ELP4: variants seen among roughly 807,000 people sequenced by gnomAD.
ELP4 encodes the protein elongator acetyltransferase complex subunit 4.
ELP4 carries 51 observed loss-of-function variants against 48.9 expected under a neutral mutation model. That is an observed-to-expected ratio of 1.04 (90% CI 0.83 to 1.32). The LOEUF is 1.32. Ranked by LOEUF, ELP4 falls within the 40% of genes most tolerant of loss-of-function variation. The pLI is 0.00. For synonymous variants in ELP4, 210 were observed against 189.2 expected, an observed-to-expected ratio of 1.11 and a Z score of -0.90; for missense variants, 519 against 514.6, an observed-to-expected ratio of 1.01 and a Z score of -0.08.
At chr11:31,763,504 G>A (rs1565145476) in intron 9 of ELP4, 1 of 1,610,978 alleles carries the variant, frequency 6.2e-7, no homozygotes, top group East Asian at 2.2e-5. Flanking sequence ...ATGGGGAGAA[G>A]GTTCTTTACA....
chr11:31,560,268 A>G (rs551241283), intron 3 of ELP4, among the ~76,000 whole-genome samples: 23 of 152,268 alleles, frequency 1.5e-4, no homozygotes, highest in African/African-American at 5.5e-4. Flanking sequence ...TAAAAATTCT[A>G]TGATCTCTGT....
chr11:31,541,105 C>G (rs1434686833), intron 3 of ELP4, among the ~76,000 whole-genome samples: 3 of 152,096 alleles, frequency 2.0e-5, no homozygotes, highest in African/African-American at 7.2e-5. Context: ...GCAAATTAGT[C>G]ATTTATAAGG....
intron 9 of ELP4, among the ~76,000 whole-genome samples, chr11:31,778,619 G>A (rs1021075027): frequency 6.6e-6 from 1 of 152,142 alleles, no homozygotes; most frequent in South Asian, 2.1e-4. Flanking sequence ...TTATTCTGAC[G>A]AGAGTCTTAT....
chr11:31,615,871 A>G (rs1944468906), intron 5 of ELP4, among the ~76,000 whole-genome samples: 1 of 152,042 alleles, frequency 6.6e-6, no homozygotes, highest in Non-Finnish European at 1.5e-5. Context: ...ATCACCTTCC[A>G]TCCTGCAACT....
intron 9 of ELP4, among the ~76,000 whole-genome samples, chr11:31,739,904 A>C (rs947501005): frequency 6.6e-6 from 1 of 152,248 alleles, no homozygotes; most frequent in Admixed American, 6.5e-5. Context: ...TTACTCATAG[A>C]GTCCCCATTT....
chr11:31,714,846 CT>C, intron 9 of ELP4: 1 of 398,400 alleles, frequency 2.5e-6, no homozygotes, highest in Admixed American at 4.4e-5. Flanking sequence ...TTTAAGGATC[CT>C]TGTAATTACA....
chr11:31,594,731 A>G (rs1369254385), intron 3 of ELP4, 39 bp from the exon 4 acceptor site: 2 of 1,415,082 alleles, frequency 1.4e-6, no homozygotes, highest in East Asian at 5.4e-5. Context: ...GTCATATTTT[A>G]CCACAGAATC....
At chr11:31,558,822 ATTG>A (rs1474723248) in intron 3 of ELP4, among the ~76,000 whole-genome samples, 2 of 152,164 alleles carry the variant, frequency 1.3e-5, no homozygotes, top group Admixed American at 1.3e-4. Context: ...TTAGATGATT[ATTG>A]TTATGTTCAA....
At chr11:31,579,772 C>T (rs1957355852) in intron 3 of ELP4, among the ~76,000 whole-genome samples, 1 of 120,162 alleles carries the variant, frequency 8.3e-6, no homozygotes, top group Admixed American at 1.0e-4. Context: ...ACATCACACA[C>T]TGGGGCCTGT....
chr11:31,628,883 C>T (rs567459982), intron 6 of ELP4, among the ~76,000 whole-genome samples: 20 of 152,112 alleles, frequency 1.3e-4, no homozygotes, highest in South Asian at 1.2e-3. Context: ...CAGAGAAATA[C>T]GCCTATAAGG....
At position 31,754,686 on chromosome 11, in the gene ELP4, C is replaced by A. The variant is rs1003519713; in HGVS notation, c.1144-28707C>A. On this transcript the variant is annotated intron_variant, in intron 9 of 9. Transcript: ENST00000640961. ...AGGAGTTCGAGACCAGCCCAGCCAACATGGTGAAACCCTATCTCTACTAAA... is the reference window on the plus strand; with the variant it reads ...AGGAGTTCGAGACCAGCCCAGCCAAAATGGTGAAACCCTATCTCTACTAAA... Among the ~76,000 whole-genome samples the A allele has an allele frequency of 2.4e-4, 37 of 152,230 alleles. No individual in the cohort carries two copies. In the Middle Eastern group the frequency reaches 0.01, roughly 42 times the overall value.
intron 9 of ELP4, among the ~76,000 whole-genome samples, chr11:31,669,511 A>G (rs951965206): frequency 2.0e-5 from 3 of 152,176 alleles, no homozygotes; most frequent in Non-Finnish European, 4.4e-5. Context: ...ACTAGGTTAG[A>G]TAGCCTACCT....
At chr11:31,634,798 A>G (rs1401335764) in intron 7 of ELP4, among the ~76,000 whole-genome samples, 1 of 152,036 alleles carries the variant, frequency 6.6e-6, no homozygotes, top group African/African-American at 2.4e-5. Flanking sequence ...TTTGAAATAG[A>G]CATAGCAAAA....
At chr11:31,541,185 TATAAAAGTCACTATA>T (rs1956584841) in intron 3 of ELP4, among the ~76,000 whole-genome samples, 1 of 152,234 alleles carries the variant, frequency 6.6e-6, no homozygotes, top group Non-Finnish European at 1.5e-5. Context: ...TTTGCCTTAG[TATAAAAGTCACTATA>T]ATGCTGAGGT....
chr11:31,735,055 C>CAACT lies in ELP4; in HGVS notation c.1144-48337_1144-48334dup, dbSNP rs1565132210. ...AATACACAGCCCAGAAATAAATGCA[C>CAACT]AACTGTATGGTGAACTGACTTTTGA... On this transcript the variant is annotated intron_variant, in intron 9 of 9. Transcript: ENST00000640961. 2.6e-5 allele frequency among the ~76,000 whole-genome samples: 4 copies of CAACT among 151,092 alleles called. No homozygotes were observed. In the South Asian group the frequency reaches 8.3e-4, roughly 31 times the overall value.
chr11:31,745,451 G>T (rs1276587681), intron 9 of ELP4, among the ~76,000 whole-genome samples: 4 of 152,150 alleles, frequency 2.6e-5, no homozygotes, highest in African/African-American at 7.2e-5. Flanking sequence ...TAAGCCAAAA[G>T]AACAAAGCTG....
chr11:31,700,375 G>T (rs1946495230), intron 9 of ELP4, among the ~76,000 whole-genome samples: 1 of 151,860 alleles, frequency 6.6e-6, no homozygotes, highest in African/African-American at 2.4e-5. Flanking sequence ...CACTGAAAAG[G>T]TAATAAATAC....
At position 31,774,973 on chromosome 11, in the gene ELP4, C is replaced by T. The variant is rs140422276; in HGVS notation, c.1144-8420C>T. On this transcript the variant is annotated intron_variant, in intron 9 of 9. Coordinates refer to ENST00000640961, the MANE Select transcript of ELP4 (RefSeq NM_019040.5). ...TACCCATTCTGTCTTTTTGCTATGC[C>T]CTCCTCAGCAAATAGCTTCCATTTT... 2.0e-3 allele frequency among the ~76,000 whole-genome samples: 307 copies of T among 152,204 alleles called. 3 individuals carry two copies. Among genetic ancestry groups the T allele is most frequent in the African/African-American group, 6.6e-3 (274 of 41,512 alleles).
At chr11:31,586,410 C>T (rs1276651883) in intron 3 of ELP4, among the ~76,000 whole-genome samples, 2 of 152,056 alleles carry the variant, frequency 1.3e-5, no homozygotes, top group African/African-American at 4.8e-5. Context: ...AATGGATACA[C>T]GTATAGCCCA....
Sources: allele counts gnomAD v4.1 joint callset (sites outside exome capture counted in the v4.1 genomes callset), GRCh38; gene constraint gnomAD v4.1.1; transcripts MANE v1.5; gene names NCBI Gene and HGNC (gene_info 2026-07-23, HGNC 2026-07-21).